The following LARGE1 variants were observed in gnomAD, a reference collection of about 807,000 sequenced individuals.
LARGE1 encodes the protein xylosyl- and glucuronyltransferase LARGE1.
In LARGE1, 43 loss-of-function variants were observed where a neutral mutation model predicts 87.6. The observed-to-expected ratio is 0.49, with a 90% CI of 0.38 to 0.63. The LOEUF is 0.63. Among genes scored for constraint, LARGE1 ranks in the 30% least tolerant of loss-of-function variants. The pLI is 0.00. For missense variants in LARGE1, 802 were observed against 1,000.2 expected, an observed-to-expected ratio of 0.80 and a Z score of 2.67; for synonymous variants, 434 against 394.6, an observed-to-expected ratio of 1.10 and a Z score of -1.18.
At chr22:33,432,731 A>AT (rs1444903426) in intron 6 of LARGE1, among the ~76,000 whole-genome samples, 1 of 152,070 alleles carries the variant, frequency 6.6e-6, no homozygotes, top group Non-Finnish European at 1.5e-5. Context: ...ATGGACTGGG[A>AT]TTGGTTTCTC....
At chr22:33,245,381 G>A (rs560520405) in intron 11 of LARGE1, among the ~76,000 whole-genome samples, 60 of 152,180 alleles carry the variant, frequency 3.9e-4, no homozygotes, top group Non-Finnish European at 7.6e-4. Flanking sequence ...TGATCACACT[G>A]TCGTCCTCCA....
chr22:33,287,623 A>T (rs1931781993), intron 12 of LARGE1, among the ~76,000 whole-genome samples: 1 of 152,214 alleles, frequency 6.6e-6, no homozygotes, highest in East Asian at 1.9e-4. Flanking sequence ...CTGTTAGTAC[A>T]TCTTACCCTG....
chr22:33,178,939 T>C (rs1231474674), intron 11 of LARGE1, among the ~76,000 whole-genome samples: 1 of 152,204 alleles, frequency 6.6e-6, no homozygotes, highest in Non-Finnish European at 1.5e-5. Context: ...TTTTGAAAGC[T>C]GAGAATTCCA....
chr22:33,669,008 C>T (rs2081337999), intron 2 of LARGE1, among the ~76,000 whole-genome samples: 1 of 152,210 alleles, frequency 6.6e-6, no homozygotes, highest in Admixed American at 6.5e-5. Context: ...TTCAGCCAAC[C>T]TTGAGTCTTA....
chr22:33,507,310 AG>A (rs1462869097), intron 6 of LARGE1, among the ~76,000 whole-genome samples: 1 of 152,170 alleles, frequency 6.6e-6, no homozygotes, highest in Non-Finnish European at 1.5e-5. Flanking sequence ...AATCCTAGAG[AG>A]GGGCTCTGAG....
At chr22:33,077,157 A>T in the LARGE1 span, among the ~76,000 whole-genome samples, 1 of 152,224 alleles carries the variant, frequency 6.6e-6, no homozygotes, top group Non-Finnish European at 1.5e-5. Flanking sequence ...CCTTGTTTGC[A>T]TTCCTTTTCA....
At position 33,223,219 on chromosome 22, in the gene LARGE1, C is replaced by T. The variant is rs1032820422; in HGVS notation, c.1731-56387G>A. On this transcript the variant is annotated intron_variant, in intron 11 of 11. Transcript: ENST00000608642. Reference sequence around the variant, plus strand: ...TGGAGAAAGTAGACTGTTATTCGTTCGCTTCCTAAAGCCTTGAAATAAGTC... The same window carrying T: ...TGGAGAAAGTAGACTGTTATTCGTTTGCTTCCTAAAGCCTTGAAATAAGTC... Among the ~76,000 whole-genome samples, 11 of 152,152 alleles carry T rather than the reference C, an allele frequency of 7.2e-5. No individual in the cohort carries two copies. In the South Asian group the frequency reaches 8.3e-4, roughly 11 times the overall value.
chr22:33,554,168 T>G (rs548042152), intron 6 of LARGE1, among the ~76,000 whole-genome samples: 1 of 151,916 alleles, frequency 6.6e-6, no homozygotes, highest in Non-Finnish European at 1.5e-5. Context: ...GTTCCGTTGC[T>G]CCCCCTCGCA....
intron 2 of LARGE1, among the ~76,000 whole-genome samples, chr22:33,720,915 G>A (rs2149439347): frequency 6.6e-6 from 1 of 152,342 alleles, no homozygotes; most frequent in South Asian, 2.1e-4. Context: ...CAATTCCCAG[G>A]AATGCCCTCC....
chr22:33,808,863 T>C (rs1391956477), intron 1 of LARGE1, among the ~76,000 whole-genome samples: 1 of 152,240 alleles, frequency 6.6e-6, no homozygotes, highest in Non-Finnish European at 1.5e-5. Context: ...GCACAAGCTC[T>C]TAACACTGTC....
In LARGE1 at chr22:33,304,519, A is replaced by AG. The variant is rs765849662; in HGVS notation, c.1452-13dup. 6 of 1,571,436 alleles carry AG rather than the reference A, an allele frequency of 3.8e-6. No homozygotes were observed. The African/African-American group carries it at 8.1e-5, about 21-fold the overall frequency. On this transcript the variant is annotated splice_polypyrimidine_tract_variant and intron_variant, in intron 11 of 14. Transcript: ENST00000397394. The stretch of plus-strand genomic sequence containing the variant: ...CCAGCATCTGGAGCCTGGAAGAGAC[A>AG]GGGAGGGTGAGCCGCGGGACCTGGG...
intron 11 of LARGE1, among the ~76,000 whole-genome samples, chr22:33,307,525 G>A (rs1306720984): frequency 6.6e-6 from 1 of 152,100 alleles, no homozygotes; most frequent in East Asian, 1.9e-4. Flanking sequence ...CTGTCTCAAA[G>A]TTCCACAATC....
intron 4 of LARGE1, among the ~76,000 whole-genome samples, chr22:33,608,558 G>A (rs1056808376): frequency 1.5e-4 from 23 of 152,168 alleles, no homozygotes; most frequent in Admixed American, 1.0e-3. Context: ...GACCACAGAC[G>A]ACAGAAACCA....
chr22:33,214,712 G>C (rs933575949), intron 11 of LARGE1, among the ~76,000 whole-genome samples: 1 of 152,172 alleles, frequency 6.6e-6, no homozygotes, highest in Non-Finnish European at 1.5e-5. Context: ...ACTGAAGTGT[G>C]TGCATGCAGG....
chr22:33,638,927 A>G (rs1324857030), intron 3 of LARGE1, among the ~76,000 whole-genome samples: 2 of 152,218 alleles, frequency 1.3e-5, no homozygotes, highest in Non-Finnish European at 2.9e-5. Context: ...ACTTTCCATA[A>G]TAACAATATC....
At chr22:33,314,679 CAG>C (rs1165726835) in intron 11 of LARGE1, among the ~76,000 whole-genome samples, 2 of 152,114 alleles carry the variant, frequency 1.3e-5, no homozygotes, top group African/African-American at 4.8e-5. Flanking sequence ...GCTCAAAAGA[CAG>C]AATGAGGAAT....
chr22:33,466,430 T>C (rs1045951015), intron 6 of LARGE1, among the ~76,000 whole-genome samples: 1 of 151,796 alleles, frequency 6.6e-6, no homozygotes, highest in Middle Eastern at 3.2e-3. Context: ...GGGAAGTCTA[T>C]GACTTATTAT....
At chr22:33,856,846 A>C (rs1026658926) in intron 1 of LARGE1, 1 of 152,050 alleles carries the variant, frequency 6.6e-6, no homozygotes, top group Non-Finnish European at 1.5e-5. Flanking sequence ...TGTCAGATGA[A>C]CCTGTCTGTC....
At chr22:33,707,273 G>A (rs928073128) in intron 2 of LARGE1, among the ~76,000 whole-genome samples, 12 of 152,360 alleles carry the variant, frequency 7.9e-5, no homozygotes, top group African/African-American at 2.9e-4. Flanking sequence ...CCTGGCACAA[G>A]CAGGCCCATC....
Sources: gnomAD v4.1 joint callset for allele counts (sites outside exome capture counted in the v4.1 genomes callset) on GRCh38, gnomAD v4.1.1 for gene constraint, MANE v1.5 for transcripts, NCBI Gene and HGNC (gene_info 2026-07-23, HGNC 2026-07-21) for gene names.